CORO2B: variants seen among roughly 807,000 people sequenced by gnomAD.
CORO2B encodes the protein coronin-2B.
CORO2B carries 26 observed loss-of-function variants against 58.8 expected under a neutral mutation model. The observed-to-expected ratio is 0.44, with a 90% CI of 0.32 to 0.61. The LOEUF (loss-of-function observed/expected upper bound fraction) is 0.61, where lower values mean the gene tolerates loss of function less well. Ranked by LOEUF, CORO2B falls within the 20% of genes least tolerant of loss-of-function variation. CORO2B has a pLI of 0.04. For synonymous variants in CORO2B, 242 were observed against 253.8 expected, an observed-to-expected ratio of 0.95 and a Z score of 0.44; for missense variants, 460 against 645.1, an observed-to-expected ratio of 0.71 and a Z score of 3.11.
chr15:68,643,898 G>A (rs144072466), intron 1 of CORO2B, among the ~76,000 whole-genome samples: 1,596 of 152,134 alleles, frequency 0.01, 26 homozygotes, highest in African/African-American at 0.037. Context: ...TTAGCTGGGC[G>A]TGGTGGTGGG....
At chr15:68,543,544 A>C in the CORO2B span, among the ~76,000 whole-genome samples, 1 of 151,350 alleles carries the variant, frequency 6.6e-6, no homozygotes, top group Non-Finnish European at 1.5e-5. Flanking sequence ...TCCTCCTCCC[A>C]CCCCAGGGTC....
At chr15:68,702,035 C>A (rs1357340121) in intron 3 of CORO2B, among the ~76,000 whole-genome samples, 4 of 152,058 alleles carry the variant, frequency 2.6e-5, no homozygotes, top group African/African-American at 9.7e-5. Context: ...CTGAGGTCAG[C>A]AGCTTGAGAC....
At chr15:68,660,358 C>A (rs1901973806) in intron 2 of CORO2B, among the ~76,000 whole-genome samples, 1 of 152,170 alleles carries the variant, frequency 6.6e-6, no homozygotes, top group Non-Finnish European at 1.5e-5. Flanking sequence ...TCTGTTAGCT[C>A]TTAAGCTTCT....
intron 1 of CORO2B, among the ~76,000 whole-genome samples, chr15:68,631,478 C>A (rs146213420): frequency 6.6e-6 from 1 of 152,166 alleles, no homozygotes; most frequent in Non-Finnish European, 1.5e-5. Flanking sequence ...AGGATTTAAA[C>A]CTGTGTCTGT....
intron 1 of CORO2B, chr15:68,616,534 A>G: frequency 1.0e-6 from 1 of 985,396 alleles, no homozygotes; most frequent in Non-Finnish European, 1.2e-6. Context: ...GCTGCCCTGG[A>G]TCCAGATTCA....
intron 1 of CORO2B, among the ~76,000 whole-genome samples, chr15:68,617,798 C>T (rs543581279): frequency 6.6e-6 from 1 of 152,200 alleles, no homozygotes; most frequent in East Asian, 1.9e-4. Flanking sequence ...CTTGAAATCC[C>T]CAGTGGGTGG....
chr15:68,531,286 G>C, the CORO2B span, among the ~76,000 whole-genome samples: 21 of 151,962 alleles, frequency 1.4e-4, no homozygotes, highest in African/African-American at 4.1e-4. Flanking sequence ...TCTGAGACCA[G>C]CCTGGCCAAC....
chr15:68,523,402 G>A, the CORO2B span, among the ~76,000 whole-genome samples: 71 of 151,972 alleles, frequency 4.7e-4, no homozygotes, highest in East Asian at 9.7e-4. Flanking sequence ...TCCCTATGTC[G>A]CCCAGGCTGG....
At chr15:68,632,098 G>GGTA in intron 1 of CORO2B, 1 of 985,508 alleles carries the variant, frequency 1.0e-6, no homozygotes, top group Non-Finnish European at 1.2e-6. Flanking sequence ...GGAGCTAGAA[G>GGTA]GTAGTCAGAT....
chr15:68,566,016 G>A, the CORO2B span, among the ~76,000 whole-genome samples: 1 of 152,236 alleles, frequency 6.6e-6, no homozygotes, highest in African/African-American at 2.4e-5. Flanking sequence ...CTGTGGAGAG[G>A]CAGCTGACAA....
In CORO2B at chr15:68,705,852, GTC is replaced by G. The variant is rs376993354; in HGVS notation, c.334-4876_334-4875del. 3.1e-3 allele frequency among the ~76,000 whole-genome samples: 475 copies of G among 152,250 alleles called. 3 individuals carry two copies. Among genetic ancestry groups the G allele is most frequent in the African/African-American group, 0.011 (457 of 41,546 alleles). ...AACCCACACACCTCTAACAGGTACA[GTC>G]TCTATTTTCTGGATGAGGAGCCTGA... On this transcript the variant is annotated intron_variant, in intron 3 of 11. Transcript: ENST00000261861.
intron 1 of CORO2B, among the ~76,000 whole-genome samples, chr15:68,586,019 C>T (rs1219925621): frequency 1.3e-5 from 2 of 152,142 alleles, no homozygotes; most frequent in African/African-American, 2.4e-5. Context: ...CTCGAGTTAG[C>T]CCCTGATGAT....
chr15:68,559,639 T>C, the CORO2B span: 3 of 985,318 alleles, frequency 3.0e-6, no homozygotes, highest in Non-Finnish European at 3.6e-6. This position sits in a 1 kb window ranked among gnomAD's most constrained non-coding sequence, Gnocchi z 4.3. Flanking sequence ...ACTTTTTCTT[T>C]CCCTAACCCT....
chr15:68,669,065 G>A (rs1054233418), intron 2 of CORO2B, among the ~76,000 whole-genome samples: 1 of 146,308 alleles, frequency 6.8e-6, no homozygotes, highest in African/African-American at 2.6e-5. Flanking sequence ...GAAAGAAAGA[G>A]AGAAAGAGAG....
chr15:68,521,240 TC>T, the CORO2B span, among the ~76,000 whole-genome samples: 1 of 152,208 alleles, frequency 6.6e-6, no homozygotes, highest in African/African-American at 2.4e-5. Context: ...TTTTCATTAT[TC>T]CATCTCCCCC....
At chr15:68,677,741 G>A (rs766133050) in intron 2 of CORO2B, among the ~76,000 whole-genome samples, 7 of 152,192 alleles carry the variant, frequency 4.6e-5, no homozygotes, top group Non-Finnish European at 1.0e-4. Context: ...CCAGGTTGGA[G>A]GGTTCCTCAC....
chr15:68,620,858 G>T (rs898548765), intron 1 of CORO2B, among the ~76,000 whole-genome samples: 3 of 152,216 alleles, frequency 2.0e-5, no homozygotes, highest in African/African-American at 2.4e-5. Flanking sequence ...TGGGCGGGGA[G>T]CCAGTTTCTC....
At chr15:68,549,784 C>T in the CORO2B span, among the ~76,000 whole-genome samples, 7 of 152,128 alleles carry the variant, frequency 4.6e-5, no homozygotes, top group South Asian at 6.2e-4. Flanking sequence ...ACTAAAAATA[C>T]AAAACAACTA....
In CORO2B at chr15:68,640,522, A is replaced by T. The variant is rs554078390; in HGVS notation, c.16-4638A>T. ...AAGGCAATGCTATTTAAAAAAAAAA[A>T]AAAGGTGATAGGAGTATTGTAGGTT... On this transcript the variant is annotated intron_variant, in intron 1 of 11. Coordinates refer to ENST00000261861, the MANE Select transcript of CORO2B (RefSeq NM_006091.5). Among the ~76,000 whole-genome samples, 50 of 152,314 alleles carry T rather than the reference A, an allele frequency of 3.3e-4. No homozygotes were observed. In the East Asian group the frequency reaches 9.7e-3, roughly 29 times the overall value.
Sources: gnomAD v4.1 joint callset for allele counts (sites outside exome capture counted in the v4.1 genomes callset) on GRCh38, gnomAD v4.1.1 for gene constraint, Gnocchi (gnomAD v3.1) non-coding constraint, MANE v1.5 for transcripts, NCBI Gene and HGNC (gene_info 2026-07-23, HGNC 2026-07-21) for gene names.